Variants in LMBR1 observed in about 807,000 individuals in gnomAD.
The protein encoded by LMBR1 is limb development membrane protein 1.
LMBR1 carries 52 observed loss-of-function variants against 73.9 expected under a neutral mutation model. That is an observed-to-expected ratio of 0.70 (90% CI 0.56 to 0.89). The LOEUF (loss-of-function observed/expected upper bound fraction) is 0.89. LMBR1 is among the 40% of genes least tolerant of loss of function. LMBR1 has a pLI of 0.00. For synonymous variants in LMBR1, 215 were observed against 209.4 expected (o/e 1.03, Z -0.23); for missense variants, 539 against 579.8 (o/e 0.93, Z 0.72).
intron 15 of LMBR1, among the ~76,000 whole-genome samples, chr7:156,711,043 G>T (rs761244589): frequency 6.6e-6 from 1 of 152,168 alleles, no homozygotes. Flanking sequence ...GGATACAGTG[G>T]CTCACGCCTG....
rs1265698508 is a variant in LMBR1, at chr7:156,717,304, GA to G, written c.1225+6807del. ...AGACTGAAGGGAAATACAGGAGAGA[GA>G]GAAATGACAGGTTCTGTTTTAGAAA... On this transcript the variant is annotated intron_variant, in intron 15 of 16. Transcript: ENST00000353442. 3.3e-5 allele frequency among the ~76,000 whole-genome samples: 5 copies of G among 152,216 alleles called. No homozygotes were observed. In the East Asian group the frequency reaches 9.6e-4, roughly 29 times the overall value.
chr7:156,799,766 T>C (rs1052928407), intron 4 of LMBR1, among the ~76,000 whole-genome samples: 6 of 152,226 alleles, frequency 3.9e-5, no homozygotes, highest in Admixed American at 6.5e-5. Context: ...TTATGCCAGT[T>C]AGCCAAGTTG....
At chr7:156,775,142 C>A (rs1219290895) in intron 5 of LMBR1, among the ~76,000 whole-genome samples, 1 of 152,044 alleles carries the variant, frequency 6.6e-6, no homozygotes, top group Non-Finnish European at 1.5e-5. Context: ...CCCGGGTGGG[C>A]AGATCACTTG....
intron 15 of LMBR1, among the ~76,000 whole-genome samples, chr7:156,701,386 C>A (rs1209889896): frequency 6.6e-6 from 1 of 152,172 alleles, no homozygotes; most frequent in African/African-American, 2.4e-5. Flanking sequence ...ACTATTCATA[C>A]ATACATCATC....
intron 4 of LMBR1, among the ~76,000 whole-genome samples, chr7:156,821,588 A>G (rs1471255819): frequency 1.3e-5 from 2 of 152,232 alleles, no homozygotes; most frequent in African/African-American, 4.8e-5. Flanking sequence ...TCTTGAAGAA[A>G]CACAATTGGA....
intron 9 of LMBR1, among the ~76,000 whole-genome samples, chr7:156,738,606 G>A (rs1460527068): frequency 6.6e-6 from 1 of 152,204 alleles, no homozygotes; most frequent in Non-Finnish European, 1.5e-5. Flanking sequence ...AGAGAACTTT[G>A]TCTTGCATTT....
rs1802309460 is a variant in LMBR1, at chr7:156,670,751, T to C, written n.867-1464A>G. ...AGTCTAGACTCCCATGTGAACCAAA[T>C]GAAAGTTACATTCAAGACGAGAGGC... On this transcript the variant is annotated intron_variant and non_coding_transcript_variant, in intron 4 of 4. Coordinates refer to the LMBR1 transcript ENST00000430825. This position sits in a 1 kb window ranked among gnomAD's most constrained non-coding sequence, Gnocchi z 4.3. Among the ~76,000 whole-genome samples, 2 of 151,948 alleles carry C rather than the reference T, an allele frequency of 1.3e-5. No homozygotes were observed. The highest frequency in any genetic ancestry group is 4.1e-4 in the South Asian group (2 of 4,824).
At chr7:156,793,802 A>G (rs1474687875) in intron 5 of LMBR1, among the ~76,000 whole-genome samples, 2 of 152,252 alleles carry the variant, frequency 1.3e-5, no homozygotes, top group African/African-American at 2.4e-5. Flanking sequence ...TATGTGCATT[A>G]CATGAATAAT....
chr7:156,790,494 C>A (rs2133308235), intron 5 of LMBR1, among the ~76,000 whole-genome samples: 1 of 151,994 alleles, frequency 6.6e-6, no homozygotes, highest in South Asian at 2.1e-4. Flanking sequence ...CACTGTTATG[C>A]AAATAAAGAG....
At chr7:156,708,324 T>C (rs1811398195) in intron 15 of LMBR1, among the ~76,000 whole-genome samples, 1 of 152,228 alleles carries the variant, frequency 6.6e-6, no homozygotes, top group Non-Finnish European at 1.5e-5. Context: ...GTTCCCAGTG[T>C]GTGAGGTGGG....
In LMBR1 at chr7:156,669,231, A is replaced by G. The variant is rs1207803140; in HGVS notation, n.923T>C. 1 of 152,244 alleles carries G rather than the reference A, an allele frequency of 6.6e-6. No individual in the cohort carries two copies. Among genetic ancestry groups the G allele is most frequent in the African/African-American group, 2.4e-5 (1 of 41,450 alleles). The allele number at this position is 152,244 out of a possible 1,614,324, so 9.4% of individuals were successfully genotyped here. A position where few individuals can be genotyped will look rare whatever the true frequency, so the allele number is the denominator to read the frequency against. Reference sequence around the variant, plus strand: ...CCAGCCGGCGTGCCTGTCTAGGTGCATGTGGAGGCCGCTCGGGTGGTTCGC... The same window carrying G: ...CCAGCCGGCGTGCCTGTCTAGGTGCGTGTGGAGGCCGCTCGGGTGGTTCGC... On this transcript the variant is annotated non_coding_transcript_exon_variant, in exon 5 of 5. Coordinates refer to the LMBR1 transcript ENST00000430825. This position sits in a 1 kb window ranked among gnomAD's most constrained non-coding sequence, Gnocchi z 4.2.
intron 11 of LMBR1, 64 bp from the exon 12 acceptor site, chr7:156,728,071 T>C (rs1816120789): frequency 2.3e-6 from 3 of 1,291,782 alleles, no homozygotes; most frequent in African/African-American, 2.9e-5. Context: ...TATTAAAATC[T>C]AGGTAACCAA....
At chr7:156,718,557 CTACAAAAAAA>C (rs1178256877) in intron 15 of LMBR1, among the ~76,000 whole-genome samples, 1 of 152,028 alleles carries the variant, frequency 6.6e-6, no homozygotes, top group African/African-American at 2.4e-5. Flanking sequence ...AACCCCGTCT[CTACAAAAAAA>C]TACAAAAAAT....
At chr7:156,709,861 T>A (rs1038964417) in intron 15 of LMBR1, among the ~76,000 whole-genome samples, 4 of 149,286 alleles carry the variant, frequency 2.7e-5, no homozygotes, top group South Asian at 4.3e-4. Context: ...CAAGAAGAAA[T>A]CTCTGAATTG....
At chr7:156,742,339 A>G (rs1819048954) in intron 9 of LMBR1, among the ~76,000 whole-genome samples, 2 of 152,088 alleles carry the variant, frequency 1.3e-5, no homozygotes, top group African/African-American at 4.8e-5. Flanking sequence ...TCAATGAAAC[A>G]AAAAGTTGTT....
intron 15 of LMBR1, among the ~76,000 whole-genome samples, chr7:156,711,137 T>C (rs565425796): frequency 5.3e-5 from 8 of 152,172 alleles, no homozygotes; most frequent in East Asian, 3.9e-4. Flanking sequence ...GGTGAAACCC[T>C]ATCTCTACTA....
At chr7:156,810,468 C>T (rs746623184) in intron 4 of LMBR1, among the ~76,000 whole-genome samples, 1 of 152,214 alleles carries the variant, frequency 6.6e-6, no homozygotes, top group African/African-American at 2.4e-5. Flanking sequence ...TTTCAGCTCA[C>T]TGCAGCCTCT....
Position 156,681,016 on chromosome 7 carries a change from A to G in LMBR1, c.*3062T>C. The G allele has an allele frequency of 2.7e-6, 1 of 367,920 alleles. No homozygotes were observed. The allele number at this position is 367,920 out of a possible 1,614,324, so 22.8% of individuals were successfully genotyped here. A position where few individuals can be genotyped will look rare whatever the true frequency, so the allele number is the denominator to read the frequency against. ...TCAATTACTAGTGTGTCCAAATGTT[A>G]TTTTTAAAAGTTAACATTATACCAG... On this transcript the variant is annotated 3_prime_UTR_variant, in exon 17 of 17. Transcript: ENST00000353442.
chr7:156,826,927 A>G (rs1280559635), intron 3 of LMBR1, among the ~76,000 whole-genome samples, 183 bp from the exon 4 acceptor site: 1 of 152,188 alleles, frequency 6.6e-6, no homozygotes, highest in Non-Finnish European at 1.5e-5. Flanking sequence ...AACTAGATAA[A>G]CTCTAAAACT....
Sources: allele counts gnomAD v4.1 joint callset (sites outside exome capture counted in the v4.1 genomes callset), GRCh38; gene constraint gnomAD v4.1.1; non-coding constraint Gnocchi (gnomAD v3.1); transcripts MANE v1.5; gene names NCBI Gene and HGNC (gene_info 2026-07-23, HGNC 2026-07-21).